The following HCRTR2 variants were observed in gnomAD, a reference collection of about 807,000 sequenced individuals.
The protein encoded by HCRTR2 is orexin receptor type 2.
Under a neutral mutation model 49.0 loss-of-function variants are expected in HCRTR2, and 22 were observed. The ratio of observed to expected loss-of-function variants is 0.45; its 90% CI spans 0.32 to 0.64. The LOEUF (loss-of-function observed/expected upper bound fraction) is 0.64. Among genes scored for constraint, HCRTR2 ranks in the 30% least tolerant of loss-of-function variants. The pLI is 0.04. For missense variants in HCRTR2, 491 were observed against 559.4 expected, an observed-to-expected ratio of 0.88 and a Z score of 1.23; for synonymous variants, 236 against 205.3, an observed-to-expected ratio of 1.15 and a Z score of -1.28.
chr6:55,232,339 G>A (rs1462797559), intron 1 of HCRTR2, among the ~76,000 whole-genome samples: 3 of 152,152 alleles, frequency 2.0e-5, no homozygotes, highest in African/African-American at 7.2e-5. Flanking sequence ...TCTATGGGAT[G>A]TAAATTTTGA....
chr6:55,159,186 C>A (rs1764771498), intron 1 of HCRTR2, among the ~76,000 whole-genome samples: 1 of 152,078 alleles, frequency 6.6e-6, no homozygotes, highest in African/African-American at 2.4e-5. Flanking sequence ...TGACCTCCAG[C>A]AAACTCCAGC....
At chr6:55,278,970 A>ACTTG (rs1054682718) in intron 5 of HCRTR2, among the ~76,000 whole-genome samples, 28 of 151,892 alleles carry the variant, frequency 1.8e-4, no homozygotes, top group African/African-American at 6.0e-4. Flanking sequence ...GTATCTCAGA[A>ACTTG]CTTGCTCTTT....
chr6:55,197,653 G>T (rs58828550), intron 1 of HCRTR2, among the ~76,000 whole-genome samples: 32,470 of 151,660 alleles, frequency 0.21, 3,569 homozygotes, highest in Admixed American at 0.29. Flanking sequence ...ATGGAGTCTC[G>T]CTCTGTCTCC....
intron 1 of HCRTR2, among the ~76,000 whole-genome samples, chr6:55,154,238 A>T (rs1242620766): frequency 6.6e-6 from 1 of 151,906 alleles, no homozygotes; most frequent in East Asian, 1.9e-4. Flanking sequence ...TACTCTTCCA[A>T]AAAGAAAGAG....
intron 1 of HCRTR2, among the ~76,000 whole-genome samples, chr6:55,228,050 C>T (rs1249591027): frequency 6.6e-6 from 1 of 151,970 alleles, no homozygotes; most frequent in Non-Finnish European, 1.5e-5. Context: ...AGGGAGGAGT[C>T]AATTAAGACT....
chr6:55,207,433 C>T (rs1765620552), intron 1 of HCRTR2, among the ~76,000 whole-genome samples: 1 of 152,074 alleles, frequency 6.6e-6, no homozygotes, highest in African/African-American at 2.4e-5. Context: ...TTTCAATGGT[C>T]TCCATATCAA....
At chr6:55,178,314 G>A (rs924111254) in intron 1 of HCRTR2, among the ~76,000 whole-genome samples, 2 of 151,888 alleles carry the variant, frequency 1.3e-5, no homozygotes, top group Non-Finnish European at 2.9e-5. Context: ...ATCTGTTGTT[G>A]TCTCCATATG....
chr6:55,213,842 T>C (rs1161770093), intron 1 of HCRTR2, among the ~76,000 whole-genome samples: 4 of 152,172 alleles, frequency 2.6e-5, no homozygotes, highest in Admixed American at 6.5e-5. Flanking sequence ...TGGACTAGCA[T>C]GCACTCATTT....
At chr6:55,130,301 T>A (rs1238084189) in intron 1 of HCRTR2, among the ~76,000 whole-genome samples, 6 of 152,064 alleles carry the variant, frequency 3.9e-5, no homozygotes, top group Non-Finnish European at 8.8e-5. Context: ...CTGATTATTT[T>A]CCAGTATTCC....
intron 1 of HCRTR2, among the ~76,000 whole-genome samples, chr6:55,149,199 C>T (rs1010622270): frequency 2.0e-5 from 3 of 151,904 alleles, no homozygotes; most frequent in Admixed American, 6.6e-5. Context: ...TTTTTCTCAA[C>T]CAAATACAGT....
intron 1 of HCRTR2, among the ~76,000 whole-genome samples, chr6:55,135,421 G>GT (rs1764420093): frequency 6.6e-6 from 1 of 152,094 alleles, no homozygotes; most frequent in South Asian, 2.1e-4. Context: ...TCAGAATATC[G>GT]TAAAACCTCT....
chr6:55,107,216 T>C (rs1260507307), intron 1 of HCRTR2, among the ~76,000 whole-genome samples: 1 of 152,156 alleles, frequency 6.6e-6, no homozygotes, highest in Non-Finnish European at 1.5e-5. Context: ...TATAAAGTCT[T>C]ATAGCATTAT....
chr6:55,131,137 T>C (rs376119968), intron 1 of HCRTR2, among the ~76,000 whole-genome samples: 4 of 151,966 alleles, frequency 2.6e-5, no homozygotes, highest in African/African-American at 9.6e-5. Context: ...TGTCAGCATT[T>C]TCTGCAATTA....
At chr6:55,218,778 T>G (rs1399592208) in intron 1 of HCRTR2, among the ~76,000 whole-genome samples, 2 of 152,158 alleles carry the variant, frequency 1.3e-5, no homozygotes, top group Non-Finnish European at 2.9e-5. Context: ...TTAATGGAAC[T>G]GAAGGGAGAA....
rs1000313050 is a variant in HCRTR2, at chr6:55,174,658, C to G, written c.71C>G (p.Thr24Ser). The G allele has an allele frequency of 1.9e-6, 3 of 1,614,076 alleles. No homozygotes were observed. The highest frequency in any genetic ancestry group is 2.5e-6 in the Non-Finnish European group (3 of 1,180,014). The change falls in exon 1 of 7, where the codon ACT becomes AGT. Residue 24 changes from threonine to serine, a missense_variant. Physicochemically the swap from Thr to Ser is moderately conservative, Grantham distance 58. Coordinates refer to ENST00000370862, the MANE Select transcript of HCRTR2 (RefSeq NM_001384272.1). ...TCATCTGCTTCGGAGCTGAATGAAA[C>G]TCAAGAGCCCTTTTTAAACCCCACC... Reference protein sequence around the residue: ...NWSSASELNETQEPFLNPTDY... With the variant: ...NWSSASELNESQEPFLNPTDY...
intron 4 of HCRTR2, 62 bp from the exon 5 acceptor site, chr6:55,277,318 T>C: frequency 7.2e-7 from 1 of 1,384,290 alleles, no homozygotes; most frequent in East Asian, 2.3e-5. Flanking sequence ...TTCTAATTAC[T>C]TCCCCAAAGT....
chr6:55,165,218 G>A (rs1015879539), intron 1 of HCRTR2, among the ~76,000 whole-genome samples: 5 of 130,306 alleles, frequency 3.8e-5, no homozygotes, highest in African/African-American at 1.3e-4. Context: ...GCCTTAAAAA[G>A]GAAGGAGAGA....
chr6:55,266,287 T>C (rs1471711568), intron 4 of HCRTR2, among the ~76,000 whole-genome samples: 1 of 152,204 alleles, frequency 6.6e-6, no homozygotes, highest in Non-Finnish European at 1.5e-5. Flanking sequence ...TCTTCTACTC[T>C]ACTAAGATAA....
intron 1 of HCRTR2, among the ~76,000 whole-genome samples, chr6:55,139,635 G>A (rs575490502): frequency 4.1e-4 from 63 of 152,282 alleles, no homozygotes; most frequent in African/African-American, 1.4e-3. Context: ...CAAGATCAAA[G>A]GAGGTAATGT....
Sources: gnomAD v4.1 joint callset for allele counts (sites outside exome capture counted in the v4.1 genomes callset) on GRCh38, gnomAD v4.1.1 for gene constraint, MANE v1.5 for transcripts, NCBI Gene and HGNC (gene_info 2026-07-23, HGNC 2026-07-21) for gene names.